The following KLHL4 variants were observed in gnomAD, a reference collection of about 807,000 sequenced individuals.
KLHL4 encodes kelch like family member 4, also known as kelch-like protein 4.
In KLHL4, 17 loss-of-function variants were observed where a neutral mutation model predicts 45.8. That is an observed-to-expected ratio of 0.37 (90% CI 0.25 to 0.56). KLHL4 has a LOEUF of 0.56. KLHL4 is among the 20% of genes least tolerant of loss of function. The probability of loss-of-function intolerance (pLI) is 0.79; values close to 1 mark genes in which losing one functional copy is unlikely to be tolerated. For synonymous variants in KLHL4, 224 were observed against 189.9 expected (o/e 1.18, Z -1.47); for missense variants, 544 against 544.9 (o/e 1.00, Z 0.02).
At chrX:87,623,288 CT>C (rs67869297) in intron 5 of KLHL4, among the ~76,000 whole-genome samples, 3,754 of 49,911 alleles carry the variant, frequency 0.075, 28 homozygotes, top group African/African-American at 0.15. Context: ...TTCCTTTTTT[CT>C]TTTTTTTTTT....
chrX:87,623,495 T>A (rs1458029436), intron 5 of KLHL4, among the ~76,000 whole-genome samples: 1 of 109,576 alleles, frequency 9.1e-6, no homozygotes, highest in African/African-American at 3.3e-5. Context: ...GGTTTCACCA[T>A]GTTGGCCAGG....
At chrX:87,644,696 T>G (rs1923573750) in intron 9 of KLHL4, among the ~76,000 whole-genome samples, 1 of 111,624 alleles carries the variant, frequency 9.0e-6, no homozygotes, top group African/African-American at 3.3e-5. Context: ...GGTACTGGTG[T>G]AAAAATAGGC....
intron 9 of KLHL4, among the ~76,000 whole-genome samples, chrX:87,647,853 T>C (rs1399029351): frequency 9.0e-6 from 1 of 111,141 alleles, no homozygotes; most frequent in African/African-American, 3.3e-5. Flanking sequence ...TAAACACCAA[T>C]AGAAATTTCA....
chrX:87,526,367 A>G (rs1317958090), intron 1 of KLHL4, among the ~76,000 whole-genome samples: 1 of 112,245 alleles, frequency 8.9e-6, no homozygotes, highest in African/African-American at 3.2e-5. Flanking sequence ...ACTCATACAA[A>G]TGAATAAAAA....
intron 6 of KLHL4, among the ~76,000 whole-genome samples, chrX:87,629,913 C>G (rs1371789634): frequency 1.8e-5 from 2 of 111,533 alleles, no homozygotes; most frequent in Admixed American, 1.9e-4. Context: ...GACCTCTTAG[C>G]AGGAAATATA....
intron 4 of KLHL4, among the ~76,000 whole-genome samples, chrX:87,619,486 C>T (rs1196593815): frequency 9.0e-6 from 1 of 111,018 alleles, no homozygotes; most frequent in South Asian, 3.8e-4. Flanking sequence ...TTAATTACAC[C>T]ATTTATGTCC....
chrX:87,626,651 T>TTAAA (rs1556036030), intron 6 of KLHL4, among the ~76,000 whole-genome samples: 2 of 100,493 alleles, frequency 2.0e-5, no homozygotes, highest in South Asian at 4.7e-4. Context: ...TATGTAGCTT[T>TTAAA]AAAAAAAAAA....
chrX:87,546,191 C>T (rs1931678013), intron 1 of KLHL4, among the ~76,000 whole-genome samples: 1 of 111,873 alleles, frequency 8.9e-6, no homozygotes, highest in Non-Finnish European at 1.9e-5. Flanking sequence ...AACTTTACAG[C>T]AGCCCTTCCC....
intron 1 of KLHL4, among the ~76,000 whole-genome samples, chrX:87,550,863 A>G (rs780922968): frequency 3.6e-4 from 40 of 111,432 alleles, no homozygotes; most frequent in African/African-American, 1.3e-3. Flanking sequence ...CCTCAATGTA[A>G]TAAAACCTGT....
At chrX:87,527,267 C>G (rs1451132751) in intron 1 of KLHL4, among the ~76,000 whole-genome samples, 2 of 111,703 alleles carry the variant, frequency 1.8e-5, no homozygotes, top group Non-Finnish European at 3.8e-5. Flanking sequence ...TTCTGCAACC[C>G]TGTATCGTAA....
At chrX:87,581,226 G>T (rs1037282383) in intron 1 of KLHL4, among the ~76,000 whole-genome samples, 2 of 112,199 alleles carry the variant, frequency 1.8e-5, no homozygotes, top group Non-Finnish European at 3.8e-5. Context: ...TTCTCCCTGG[G>T]GTGGAGTGCC....
intron 1 of KLHL4, among the ~76,000 whole-genome samples, chrX:87,519,697 T>C (rs1238653856): frequency 2.7e-5 from 3 of 112,273 alleles, no homozygotes; most frequent in Non-Finnish European, 5.6e-5. Flanking sequence ...CAAAGTAATA[T>C]AGAGTCCATA....
At chrX:87,518,832 C>T (rs904875127) in intron 1 of KLHL4, among the ~76,000 whole-genome samples, 4 of 111,869 alleles carry the variant, frequency 3.6e-5, no homozygotes, top group South Asian at 3.7e-4. Flanking sequence ...CGTTCGGAGA[C>T]TCATTTCAAG....
At chrX:87,530,307 A>T (rs1189414060) in intron 1 of KLHL4, among the ~76,000 whole-genome samples, 1 of 107,699 alleles carries the variant, frequency 9.3e-6, no homozygotes. Context: ...TTTAGGGTAC[A>T]TGTGCACATT....
At chrX:87,660,339 T>G (rs1044538428) in intron 9 of KLHL4, among the ~76,000 whole-genome samples, 4 of 111,771 alleles carry the variant, frequency 3.6e-5, no homozygotes, top group African/African-American at 1.3e-4. Context: ...TCTATTCTTA[T>G]GCCTGTGAAG....
intron 1 of KLHL4, among the ~76,000 whole-genome samples, chrX:87,558,658 C>T (rs767600071): frequency 1.2e-3 from 131 of 105,181 alleles, no homozygotes; most frequent in Non-Finnish European, 2.4e-3. Context: ...ACTCAGTTAG[C>T]TATTTCATAA....
At chrX:87,557,937 T>C (rs190482101) in intron 1 of KLHL4, among the ~76,000 whole-genome samples, 161 of 111,019 alleles carry the variant, frequency 1.5e-3, no homozygotes, top group African/African-American at 4.9e-3. Flanking sequence ...CATTAAGAAT[T>C]GTCTCAAGGA....
At chrX:87,527,445 C>G (rs554534287) in intron 1 of KLHL4, among the ~76,000 whole-genome samples, 23 of 111,309 alleles carry the variant, frequency 2.1e-4, no homozygotes, top group South Asian at 1.1e-3. Flanking sequence ...GAGCCTGGGC[C>G]TGATGTTAAA....
At chrX:87,612,416 AG>A (rs1256607738) in intron 1 of KLHL4, among the ~76,000 whole-genome samples, 1 of 111,986 alleles carries the variant, frequency 8.9e-6, no homozygotes, top group Non-Finnish European at 1.9e-5. Context: ...CATGCTGTAC[AG>A]GTTTGTAAAC....
Sources: allele counts gnomAD v4.1 joint callset (sites outside exome capture counted in the v4.1 genomes callset), GRCh38; gene constraint gnomAD v4.1.1; transcripts MANE v1.5; gene names NCBI Gene and HGNC (gene_info 2026-07-23, HGNC 2026-07-21).